Variants in EGFL6 observed in about 807,000 individuals in gnomAD.
EGFL6 encodes the protein EGF like domain multiple 6, also known as epidermal growth factor-like protein 6.
EGFL6 carries 42 observed loss-of-function variants against 43.1 expected under a neutral mutation model. The ratio of observed to expected loss-of-function variants is 0.98; its 90% CI spans 0.76 to 1.26. EGFL6 has a LOEUF of 1.26. Ranked by LOEUF, EGFL6 falls within the 50% of genes most tolerant of loss-of-function variation. EGFL6 has a pLI of 0.00. For missense variants in EGFL6, 429 were observed against 427.8 expected (o/e 1.00, Z -0.02); for synonymous variants, 164 against 163.2 (o/e 1.01, Z -0.04).
At chrX:13,572,563 G>C (rs753977163) in intron 1 of EGFL6, among the ~76,000 whole-genome samples, 3 of 111,944 alleles carry the variant, frequency 2.7e-5, no homozygotes, top group Non-Finnish European at 5.6e-5. Flanking sequence ...GGATCTTTTT[G>C]CCTTGAGTAC....
chrX:13,576,266 G>A (rs1451407918), intron 1 of EGFL6, among the ~76,000 whole-genome samples: 2 of 111,035 alleles, frequency 1.8e-5, no homozygotes, highest in African/African-American at 6.6e-5. Flanking sequence ...AGCAAGGGCG[G>A]GGAAAGGTGC....
At chrX:13,586,253 G>A (rs1242489289) in intron 1 of EGFL6, among the ~76,000 whole-genome samples, 1 of 111,976 alleles carries the variant, frequency 8.9e-6, no homozygotes, top group Non-Finnish European at 1.9e-5. Context: ...AAGTGCTGGT[G>A]AGGATGTGGA....
chrX:13,593,615 T>C (rs1173468231), intron 2 of EGFL6, among the ~76,000 whole-genome samples: 3 of 111,488 alleles, frequency 2.7e-5, no homozygotes, highest in Non-Finnish European at 5.7e-5. Flanking sequence ...CAAGCTGTGG[T>C]GGGGAAAGCA....
intron 1 of EGFL6, among the ~76,000 whole-genome samples, chrX:13,576,302 C>T (rs954155625): frequency 2.7e-5 from 3 of 110,642 alleles, no homozygotes; most frequent in Non-Finnish European, 5.7e-5. Context: ...TTTTAAACAA[C>T]CAAATTTCAT....
At chrX:13,590,887 C>T (rs765652721) in intron 2 of EGFL6, among the ~76,000 whole-genome samples, 3 of 111,482 alleles carry the variant, frequency 2.7e-5, no homozygotes, top group Non-Finnish European at 5.6e-5. Flanking sequence ...AAGGGTGGGT[C>T]CTCATCCTGA....
intron 1 of EGFL6, among the ~76,000 whole-genome samples, chrX:13,582,256 T>TGAAACCCCGTCTAACCATG (rs2045510637): frequency 9.2e-6 from 1 of 109,122 alleles, no homozygotes; most frequent in Non-Finnish European, 1.9e-5. Flanking sequence ...AGAGACGGGG[T>TGAAACCCCGTCTAACCATG]TTCACCATGT....
chrX:13,633,038 T>C lies in EGFL6; in HGVS notation c.1605T>C (p.Asp535=). 1 of 1,207,777 alleles carries C rather than the reference T, an allele frequency of 8.3e-7. No individual in the cohort carries two copies. Among genetic ancestry groups the C allele is most frequent in the Non-Finnish European group, 1.1e-6 (1 of 894,305 alleles). ...GCAAAACCGGCGAAATCGCAGTGGA[T>C]GGCGTCTTGCTTGTTTCAGGCTTAT... ...GKGKTGEIAV[D]GVLLVSGLCP... The change falls in exon 12 of 12, where the codon GAT becomes GAC. Residue 535 remains aspartate, a synonymous_variant. Coordinates refer to ENST00000361306, the MANE Select transcript of EGFL6 (RefSeq NM_015507.4).
intron 3 of EGFL6, among the ~76,000 whole-genome samples, chrX:13,598,558 A>AGTTGTTGTTGTT (rs72060307): frequency 9.5e-6 from 1 of 104,841 alleles, no homozygotes; most frequent in African/African-American, 3.5e-5. Flanking sequence ...CTTATTCTTA[A>AGTTGTTGTTGTT]GTTGTTGTTG....
intron 11 of EGFL6, among the ~76,000 whole-genome samples, chrX:13,631,622 T>G (rs1378906263): frequency 1.1e-4 from 12 of 109,192 alleles, no homozygotes; most frequent in Admixed American, 9.8e-4. Flanking sequence ...TACTAAAAAT[T>G]TAAAAAATTT....
intron 2 of EGFL6, among the ~76,000 whole-genome samples, chrX:13,589,897 T>C (rs1437669237): frequency 1.8e-5 from 2 of 112,926 alleles, no homozygotes; most frequent in African/African-American, 6.4e-5. Flanking sequence ...CAATTATTTT[T>C]GTGATTATCT....
At chrX:13,598,780 A>G (rs1379141467) in intron 3 of EGFL6, among the ~76,000 whole-genome samples, 2 of 105,346 alleles carry the variant, frequency 1.9e-5, no homozygotes, top group Non-Finnish European at 3.9e-5. Flanking sequence ...TGTGAACGTC[A>G]TATGTATATA....
Position 13,569,826 on chromosome X carries a change from G to T in EGFL6, c.-36G>T. 2 of 1,197,548 alleles carry T rather than the reference G, an allele frequency of 1.7e-6. No individual in the cohort carries two copies. Among genetic ancestry groups the T allele is most frequent in the South Asian group, 3.5e-5 (2 of 56,580 alleles). The stretch of plus-strand genomic sequence containing the variant: ...GGGGTCCGGCCGGCGCCCTCCCGAG[G>T]GGGGCTCAGGAGGAGGAAGGAGGAC... On this transcript the variant is annotated 5_prime_UTR_variant, in exon 1 of 12. Transcript: ENST00000361306.
intron 1 of EGFL6, among the ~76,000 whole-genome samples, chrX:13,580,218 G>C (rs2045497997): frequency 9.0e-6 from 1 of 111,505 alleles, no homozygotes; most frequent in South Asian, 3.8e-4. Context: ...TTTCCACAGA[G>C]ATTAATCTCT....
At chrX:13,589,442 G>A (rs1458105957) in intron 1 of EGFL6, 114 bp from the exon 2 acceptor site, 5 of 563,036 alleles carry the variant, frequency 8.9e-6, no homozygotes, top group Admixed American at 4.4e-5. Context: ...CACTTACTGC[G>A]GGTTCGTTGA....
chrX:13,589,713 T>G, intron 2 of EGFL6, 45 bp downstream of exon 2: 5 of 1,071,340 alleles, frequency 4.7e-6, no homozygotes, highest in Non-Finnish European at 6.4e-6. Flanking sequence ...TCAGGGCCCT[T>G]AGGTTTTTAT....
chrX:13,602,230 C>T (rs762222700), intron 4 of EGFL6, among the ~76,000 whole-genome samples: 6 of 110,806 alleles, frequency 5.4e-5, no homozygotes, highest in African/African-American at 9.8e-5. Flanking sequence ...GTGATTGGCA[C>T]GTTCTGGAGG....
At chrX:13,628,457 C>T (rs2045792913) in intron 11 of EGFL6, among the ~76,000 whole-genome samples, 1 of 110,389 alleles carries the variant, frequency 9.1e-6, no homozygotes, top group Non-Finnish European at 1.9e-5. Context: ...GGTCACACTT[C>T]AGAAAGATGA....
chrX:13,581,387 C>A (rs887091146), intron 1 of EGFL6, among the ~76,000 whole-genome samples: 1 of 111,555 alleles, frequency 9.0e-6, no homozygotes, highest in African/African-American at 3.3e-5. Context: ...GGAACCCAGA[C>A]TTAATTTTAA....
intron 2 of EGFL6, among the ~76,000 whole-genome samples, chrX:13,592,007 A>G (rs781524698): frequency 1.8e-5 from 2 of 111,732 alleles, no homozygotes; most frequent in South Asian, 7.5e-4. Flanking sequence ...TTTAAACACA[A>G]ACTGAATTTC....
Sources: allele counts gnomAD v4.1 joint callset (sites outside exome capture counted in the v4.1 genomes callset), GRCh38; gene constraint gnomAD v4.1.1; transcripts MANE v1.5; gene names NCBI Gene and HGNC (gene_info 2026-07-23, HGNC 2026-07-21).